Variants in BIRC5 observed in about 807,000 individuals in gnomAD.
BIRC5 encodes the protein baculoviral IAP repeat containing 5, also known as baculoviral IAP repeat-containing protein 5.
In BIRC5, 8 loss-of-function variants were observed where a neutral mutation model predicts 15.8. That is an observed-to-expected ratio of 0.51 (90% confidence interval 0.30 to 0.91). The LOEUF (loss-of-function observed/expected upper bound fraction) is 0.91. Ranked by LOEUF, BIRC5 falls within the 40% of genes least tolerant of loss-of-function variation. The pLI, the probability that BIRC5 is intolerant of heterozygous loss-of-function variation, is 0.07. For missense variants in BIRC5, 163 were observed against 178.6 expected (o/e 0.91, Z 0.50); for synonymous variants, 56 against 64.5 (o/e 0.87, Z 0.63).
At chr17:78,223,057 GCC>G in intron 3 of BIRC5, 1 of 574,768 alleles carries the variant, frequency 1.7e-6, no homozygotes, top group Non-Finnish European at 2.2e-6. Context: ...TAGCTGGGGT[GCC>G]CAGACTAGCT....
intron 2 of BIRC5, chr17:78,215,915 C>G: frequency 1.9e-6 from 2 of 1,065,794 alleles, no homozygotes; most frequent in Non-Finnish European, 2.3e-6. Context: ...CTAGGGGGTC[C>G]CTTGGGGAAC....
At chr17:78,220,251 A>AC (rs2076505989) in intron 3 of BIRC5, among the ~76,000 whole-genome samples, 1 of 151,876 alleles carries the variant, frequency 6.6e-6, no homozygotes, top group Non-Finnish European at 1.5e-5. Context: ...ACATGGTGAA[A>AC]CCCCGTCTTT....
rs1158939384 is a variant in BIRC5 at position 78,224,570 on chromosome 17, C to T, written c.*1016C>T. 3 of 152,150 alleles carry T rather than the reference C, an allele frequency of 2.0e-5. No individual in the cohort carries two copies. The highest frequency in any genetic ancestry group is 6.6e-5 in the Admixed American group (1 of 15,266). The allele number at this position is 152,150 out of a possible 1,614,324, so 9.4% of individuals were successfully genotyped here. Reference sequence around the variant, plus strand: ...CAGCTCCCGCAGGGCTGAAGTCTGGCGTAAGATGATGGATTTGATTCGCCC... The same window carrying T: ...CAGCTCCCGCAGGGCTGAAGTCTGGTGTAAGATGATGGATTTGATTCGCCC... On this transcript the variant is annotated 3_prime_UTR_variant, in exon 4 of 4. Transcript: ENST00000350051.
intron 3 of BIRC5, among the ~76,000 whole-genome samples, chr17:78,220,047 C>T (rs1011349432): frequency 3.9e-5 from 6 of 152,172 alleles, no homozygotes; most frequent in Admixed American, 2.6e-4. Flanking sequence ...GTGGACGCTG[C>T]GGGGTGCTCC....
At chr17:78,221,362 C>T (rs2076514244) in intron 3 of BIRC5, among the ~76,000 whole-genome samples, 1 of 152,208 alleles carries the variant, frequency 6.6e-6, no homozygotes, top group Non-Finnish European at 1.5e-5. Context: ...AGCAATCCTC[C>T]TGCCTCAGCC....
chr17:78,223,154 G>A (rs373976605), intron 3 of BIRC5, among the ~76,000 whole-genome samples: 52 of 152,214 alleles, frequency 3.4e-4, no homozygotes, highest in African/African-American at 1.2e-3. Context: ...AGATATGGGA[G>A]CACCCAGCGC....
rs1463200419 is a variant in BIRC5, at chr17:78,222,827, GGA to G, written c.340-632_340-631del. 5 of 1,535,946 alleles carry G rather than the reference GGA, an allele frequency of 3.3e-6. No homozygotes were observed. In the Admixed American group the frequency reaches 9.8e-5, roughly 30 times the overall value. On this transcript the variant is annotated intron_variant, in intron 3 of 3. Coordinates refer to ENST00000350051, the MANE Select transcript of BIRC5 (RefSeq NM_001168.3). Reference sequence around the variant, plus strand: ...TAATGTGATTGTCATTTGCCCCTTAGGAGAGAGCTCTGTTAGCAGAATGAAAA... The same window carrying G: ...TAATGTGATTGTCATTTGCCCCTTAGGAGAGCTCTGTTAGCAGAATGAAAA...
At position 78,223,909 on chromosome 17, in the gene BIRC5, C is replaced by T; in HGVS notation, c.*355C>T. The T allele has an allele frequency of 2.7e-6, 1 of 368,742 alleles. No individual in the cohort carries two copies. The highest frequency in any genetic ancestry group is 4.9e-6 in the Non-Finnish European group (1 of 203,826). The allele number at this position is 368,742 out of a possible 1,614,324, so 22.8% of individuals were successfully genotyped here. A position where few individuals can be genotyped will look rare whatever the true frequency, so the allele number is the denominator to read the frequency against. On this transcript the variant is annotated 3_prime_UTR_variant, in exon 4 of 4. Transcript: ENST00000350051. ...ACAGCTTTGTTCGCGTGGGCAGAGCCTTCCACAGTGAATGTGTCTGGACCT... is the reference window on the plus strand; with the variant it reads ...ACAGCTTTGTTCGCGTGGGCAGAGCTTTCCACAGTGAATGTGTCTGGACCT...
In BIRC5 at chr17:78,216,763, A is replaced by G. The variant is rs997414386; in HGVS notation, c.321A>G (p.Glu107=). ...GTGAATTTTTGAAACTGGACAGAGA[A>G]AGAGCCAAGAACAAAATTGTATGTA... ...TLGEFLKLDR[E]RAKNKIAKET... The change falls in exon 3 of 4, where the codon GAA becomes GAG. Residue 107 remains glutamate (E), a synonymous_variant. Coordinates refer to ENST00000350051, the MANE Select transcript of BIRC5 (RefSeq NM_001168.3). 6 of 1,613,636 alleles carry G rather than the reference A, an allele frequency of 3.7e-6. No individual in the cohort carries two copies. In the African/African-American group the frequency reaches 6.7e-5, roughly 18 times the overall value.
intron 3 of BIRC5, among the ~76,000 whole-genome samples, chr17:78,218,794 A>T (rs1430197004): frequency 6.6e-6 from 1 of 151,742 alleles, no homozygotes; most frequent in Non-Finnish European, 1.5e-5. Flanking sequence ...TTTATTAGAG[A>T]CAAGGTTTCA....
chr17:78,219,760 TAAA>T (rs2076503075), intron 3 of BIRC5, among the ~76,000 whole-genome samples: 1 of 152,154 alleles, frequency 6.6e-6, no homozygotes. Flanking sequence ...TTTAGAAACA[TAAA>T]AAGCATTCTT....
intron 3 of BIRC5, 141 bp from the exon 4 acceptor site, chr17:78,223,324 G>T (rs2145901547): frequency 1.3e-6 from 1 of 761,000 alleles, no homozygotes; most frequent in East Asian, 2.9e-5. Context: ...CCAGGTAGCT[G>T]GGAATCTGCC....
chr17:78,218,382 C>T (rs2076494470), intron 3 of BIRC5, among the ~76,000 whole-genome samples: 1 of 151,374 alleles, frequency 6.6e-6, no homozygotes, highest in South Asian at 2.1e-4. Context: ...CAACCTCTGC[C>T]TCCCGGGGTC....
At chr17:78,214,832 TGAG>T (rs1315849292) in intron 2 of BIRC5, 43 bp downstream of exon 2, 1 of 1,539,482 alleles carries the variant, frequency 6.5e-7, no homozygotes, top group Non-Finnish European at 8.9e-7. Context: ...TGTTTTGAAC[TGAG>T]TTGTCAAAAG....
chr17:78,215,987 C>A (rs374475800), intron 2 of BIRC5: 87 of 1,063,200 alleles, frequency 8.2e-5, no homozygotes, highest in Non-Finnish European at 9.1e-5. Flanking sequence ...CGGTGGCTTA[C>A]GCCTGTAATA....
At chr17:78,218,836 A>T (rs2076498081) in intron 3 of BIRC5, among the ~76,000 whole-genome samples, 1 of 151,958 alleles carries the variant, frequency 6.6e-6, no homozygotes, top group South Asian at 2.1e-4. Flanking sequence ...CAAACTCCTG[A>T]CCTCAAGTGA....
chr17:78,214,948 G>A (rs1490834763), intron 2 of BIRC5, 159 bp downstream of exon 2: 1 of 675,986 alleles, frequency 1.5e-6, no homozygotes, highest in African/African-American at 1.8e-5. Context: ...CTGGTGCCTT[G>A]GTGATGCTTA....
chr17:78,214,801 C>G lies in BIRC5; in HGVS notation c.221+12C>G. 1 of 1,603,248 alleles carries G rather than the reference C, an allele frequency of 6.2e-7. No homozygotes were observed. The highest frequency in any genetic ancestry group is 8.5e-7 in the Non-Finnish European group (1 of 1,173,822). On this transcript the variant is annotated intron_variant, in intron 2 of 3. Transcript: ENST00000350051. ...GATGACGACCCCATGTAAGTCTTCT[C>G]TGGCCAGCCTCGATGGGCTTTGTTT...
At chr17:78,219,971 T>G (rs17878695) in intron 3 of BIRC5, among the ~76,000 whole-genome samples, 397 of 152,250 alleles carry the variant, frequency 2.6e-3, no homozygotes, top group African/African-American at 9.0e-3. Context: ...ACAGAGGGTT[T>G]TTGCCCTTGC....
Sources: gnomAD v4.1 joint callset for allele counts (sites outside exome capture counted in the v4.1 genomes callset) on GRCh38, gnomAD v4.1.1 for gene constraint, MANE v1.5 for transcripts, NCBI Gene and HGNC (gene_info 2026-07-23, HGNC 2026-07-21) for gene names.